Variants in CYBB observed in about 807,000 individuals in gnomAD.
The protein encoded by CYBB is cytochrome b-245 beta chain.
Under a neutral mutation model 46.5 loss-of-function variants are expected in CYBB, and 5 were observed. That is an observed-to-expected ratio of 0.11 (90% CI 0.06 to 0.23). The LOEUF (loss-of-function observed/expected upper bound fraction) is 0.23. Among genes scored for constraint, CYBB ranks in the 10% least tolerant of loss-of-function variants. The probability of loss-of-function intolerance (pLI) is 1.00; values close to 1 mark genes in which losing one functional copy is unlikely to be tolerated. For synonymous variants in CYBB, 183 were observed against 156.7 expected (o/e 1.17, Z -1.26); for missense variants, 307 against 428.3 (o/e 0.72, Z 2.50).
intron 3 of CYBB, among the ~76,000 whole-genome samples, chrX:37,784,518 A>G (rs1211691931): frequency 1.8e-5 from 2 of 111,290 alleles, no homozygotes; most frequent in African/African-American, 3.3e-5. Flanking sequence ...AATAGTGAGG[A>G]AATCGTATTC....
rs17146242 is a variant in CYBB, at chrX:37,794,014, T to C, written c.483+204T>C. On this transcript the variant is annotated intron_variant, in intron 5 of 12. Coordinates refer to ENST00000378588, the MANE Select transcript of CYBB (RefSeq NM_000397.4). The stretch of plus-strand genomic sequence containing the variant: ...CCTCATGTGTGGAGGTCTCTAGATG[T>C]TTTCCAGGTCTTTAAGCTCATCCAT... Among the ~76,000 whole-genome samples the C allele has an allele frequency of 0.049, 5,469 of 111,128 alleles. 343 individuals are homozygous for C. The highest frequency in any genetic ancestry group is 0.17 in the African/African-American group (5,093 of 30,411).
At chrX:37,786,115 C>T (rs1556465489) in intron 3 of CYBB, among the ~76,000 whole-genome samples, 1 of 112,320 alleles carries the variant, frequency 8.9e-6, no homozygotes, top group African/African-American at 3.2e-5. Context: ...GGATTCCTAA[C>T]CTGAAATGTG....
At position 37,785,954 on chromosome X, in the gene CYBB, G is replaced by C. The variant is rs781983166; in HGVS notation, c.252+2354G>C. ...GACCCAGGAGGGAAGATCTGCATGA[G>C]AGTCTCTAAAGACAGGGATGAAATG... On this transcript the variant is annotated intron_variant, in intron 3 of 12. Coordinates refer to ENST00000378588, the MANE Select transcript of CYBB (RefSeq NM_000397.4). Among the ~76,000 whole-genome samples, 156 of 111,557 alleles carry C rather than the reference G, an allele frequency of 1.4e-3. 1 individual carries two copies. The highest frequency in any genetic ancestry group is 4.6e-3 in the Middle Eastern group (1 of 217).
At chrX:37,797,300 TA>T (rs1438246190) in intron 6 of CYBB, among the ~76,000 whole-genome samples, 2 of 112,235 alleles carry the variant, frequency 1.8e-5, no homozygotes, top group African/African-American at 6.5e-5. Flanking sequence ...GACTTAGTCA[TA>T]ATCCCGTGTT....
intron 3 of CYBB, among the ~76,000 whole-genome samples, chrX:37,785,687 G>A (rs1227030824): frequency 1.8e-5 from 2 of 111,353 alleles, no homozygotes; most frequent in African/African-American, 3.3e-5. Context: ...GGGGATTACA[G>A]GCATGAGTCA....
chrX:37,785,741 T>G (rs1929052813), intron 3 of CYBB, among the ~76,000 whole-genome samples: 1 of 111,484 alleles, frequency 9.0e-6, no homozygotes, highest in Non-Finnish European at 1.9e-5. Context: ...ACAATTCATT[T>G]TTATTCTCCC....
At chrX:37,804,965 C>T (rs370299508) in intron 9 of CYBB, 41 bp from the exon 10 acceptor site, 395 of 1,182,955 alleles carry the variant, frequency 3.3e-4, no homozygotes, top group Non-Finnish European at 3.9e-4. Context: ...CTCTGAAGAG[C>T]AAGACATCTC....
At chrX:37,804,235 G>T in intron 9 of CYBB, 105 bp downstream of exon 9, 1 of 838,326 alleles carries the variant, frequency 1.2e-6, no homozygotes, top group Non-Finnish European at 1.8e-6. Context: ...AAACACACAG[G>T]TTCTAAGAAT....
At chrX:37,799,531 G>A (rs1434076764) in intron 7 of CYBB, among the ~76,000 whole-genome samples, 2 of 111,573 alleles carry the variant, frequency 1.8e-5, no homozygotes, top group East Asian at 5.7e-4. Flanking sequence ...AAATTGATGA[G>A]GTGGTACATA....
chrX:37,786,800 G>A (rs1556465645), intron 3 of CYBB, among the ~76,000 whole-genome samples: 2 of 110,984 alleles, frequency 1.8e-5, no homozygotes, highest in African/African-American at 6.6e-5. Flanking sequence ...GAGAGGGTGA[G>A]GTTTTATCTG....
rs145620748 is a variant in CYBB, at chrX:37,805,013, G to A, written c.1159G>A (p.Val387Ile). ...QDAWKLPKIA[V>I]DGPFGTASED... is the part of the protein sequence containing the mutation. ...CTCCCCATTTCCCTTCAGGATAGCG[G>A]TTGATGGGCCCTTTGGCACTGCCAG... is the stretch of plus-strand genomic sequence containing the variant. The change falls in exon 10 of 13, where the codon GTT (valine) becomes ATT (isoleucine). Residue 387 changes from valine to isoleucine, a missense_variant. By Grantham distance (29) the Val-to-Ile change is conservative (BLOSUM62 3). Around this residue, in one of 3 missense-constraint regions of CYBB, gnomAD observed 122 missense variants for 208.3 expected, o/e 0.59. Coordinates refer to ENST00000378588, the MANE Select transcript of CYBB (RefSeq NM_000397.4). 7.5e-5 allele frequency: 91 copies of A among 1,210,124 alleles called. No individual in the cohort carries two copies. The African/African-American group carries it at 1.4e-3, about 19-fold the overall frequency.
intron 8 of CYBB, 47 bp downstream of exon 8, chrX:37,801,395 C>A: frequency 1.2e-6 from 1 of 864,023 alleles, no homozygotes; most frequent in South Asian, 2.0e-5. Context: ...CTAACTATAT[C>A]ATGGACAAGT....
chrX:37,799,239 TATTGGATAGA>T (rs1364761714), intron 7 of CYBB, among the ~76,000 whole-genome samples, 155 bp downstream of exon 7: 1 of 112,354 alleles, frequency 8.9e-6, no homozygotes, highest in Non-Finnish European at 1.9e-5. Flanking sequence ...CTGCTATACT[TATTGGATAGA>T]ATTGTTTCTT....
At position 37,793,652 on chromosome X, in the gene CYBB, C is replaced by T. The variant is rs193922447; in HGVS notation, c.338-13C>T. The T allele has an allele frequency of 6.8e-4, 822 of 1,205,115 alleles. 1 individual carries two copies. Among genetic ancestry groups the T allele is most frequent in the Non-Finnish European group, 8.5e-4 (760 of 892,634 alleles). ...CCTTCATTCTCTTTGTTTCTCTTCTCTGCCCTTTTCAGCGATTCACACCAT... is the reference window on the plus strand; with the variant it reads ...CCTTCATTCTCTTTGTTTCTCTTCTTTGCCCTTTTCAGCGATTCACACCAT... On this transcript the variant is annotated splice_polypyrimidine_tract_variant and intron_variant, in intron 4 of 12. Coordinates refer to ENST00000378588, the MANE Select transcript of CYBB (RefSeq NM_000397.4).
chrX:37,810,980 T>A lies in CYBB; in HGVS notation c.*63T>A, dbSNP rs1288913668. ...TGCCAAATGCTCAAATAATGCTAAT[T>A]GATAATATAAATACCCCCTGCTTAA... On this transcript the variant is annotated 3_prime_UTR_variant, in exon 13 of 13. Transcript: ENST00000378588. 1 of 1,046,918 alleles carries A rather than the reference T, an allele frequency of 9.6e-7. No individual in the cohort carries two copies. Among genetic ancestry groups the A allele is most frequent in the Non-Finnish European group, 1.3e-6 (1 of 755,716 alleles). The allele number at this position is 1,046,918 out of a possible 1,213,427, so 86.3% of individuals were successfully genotyped here.
Position 37,809,683 on chromosome X carries a change from A to C in CYBB, c.1578A>C (p.Gln526His), listed in dbSNP as rs782320283. 1 of 1,209,797 alleles carries C rather than the reference A, an allele frequency of 8.3e-7. No homozygotes were observed. Among genetic ancestry groups the C allele is most frequent in the South Asian group, 1.8e-5 (1 of 56,586 alleles). The change falls in exon 12 of 13, where the codon CAA (glutamine) becomes CAC (histidine). Residue 526 changes from glutamine to histidine, a missense_variant. Around this residue, in one of 3 missense-constraint regions of CYBB, gnomAD observed 122 missense variants for 208.3 expected, o/e 0.59. Transcript: ENST00000378588. ...ATGAATTCAAGACAATTGCAAGTCA[A>C]CACCCTAAGTAAGGAGTCTGTCACC... ...WDNEFKTIAS[Q>H]HPNTRIGVFL...
rs1048675303 is a variant in CYBB, at chrX:37,804,232, C to T, written c.1151+102C>T. On this transcript the variant is annotated intron_variant, in intron 9 of 12. Coordinates refer to ENST00000378588, the MANE Select transcript of CYBB (RefSeq NM_000397.4). Reference sequence around the variant, plus strand: ...TTTACTAAGTCTCCAACAAAACACACAGGTTCTAAGAATATAGGTAGCTAT... The same window carrying T: ...TTTACTAAGTCTCCAACAAAACACATAGGTTCTAAGAATATAGGTAGCTAT... 1.4e-4 allele frequency: 119 copies of T among 867,648 alleles called. 1 individual carries two copies. The East Asian group carries it at 3.8e-3, about 28-fold the overall frequency. The allele number at this position is 867,648 out of a possible 1,213,427, so 71.5% of individuals were successfully genotyped here. A position where few individuals can be genotyped will look rare whatever the true frequency, so the allele number is the denominator to read the frequency against.
chrX:37,808,911 A>G (rs1929614913), intron 11 of CYBB, among the ~76,000 whole-genome samples: 1 of 112,292 alleles, frequency 8.9e-6, no homozygotes, highest in African/African-American at 3.2e-5. Flanking sequence ...TCATCCATCT[A>G]GTGAATTTCA....
chrX:37,791,962 C>G lies in CYBB; in HGVS notation c.253-13C>G. The G allele has an allele frequency of 8.5e-7, 1 of 1,178,145 alleles. No homozygotes were observed. Among genetic ancestry groups the G allele is most frequent in the Non-Finnish European group, 1.2e-6 (1 of 865,255 alleles). ...AACAATTACTATTCCATTCTTTCCC[C>G]CTTAATCCAAAGTGCTGCTCAACAA... On this transcript the variant is annotated splice_polypyrimidine_tract_variant and intron_variant, in intron 3 of 12. Coordinates refer to ENST00000378588, the MANE Select transcript of CYBB (RefSeq NM_000397.4).
Sources: gnomAD v4.1 joint callset for allele counts (sites outside exome capture counted in the v4.1 genomes callset) on GRCh38, gnomAD v4.1.1 for gene constraint, gnomAD v4.1.1 regional missense constraint, MANE v1.5 for transcripts, NCBI Gene and HGNC (gene_info 2026-07-23, HGNC 2026-07-21) for gene names.